ZFPM2: variants seen among roughly 807,000 people sequenced by gnomAD.
ZFPM2 encodes zinc finger protein ZFPM2.
In ZFPM2, 20 loss-of-function variants were observed where a neutral mutation model predicts 98.6. That is an observed-to-expected ratio of 0.20 (90% CI 0.14 to 0.29). The LOEUF (loss-of-function observed/expected upper bound fraction) is 0.29, where lower values mean the gene tolerates loss of function less well. ZFPM2 is among the 10% of genes least tolerant of loss of function. The pLI is 1.00. For missense variants in ZFPM2, 1,310 were observed against 1,388.6 expected, an observed-to-expected ratio of 0.94 and a Z score of 0.90; for synonymous variants, 518 against 502.7, an observed-to-expected ratio of 1.03 and a Z score of -0.41.
At position 105,547,568 on chromosome 8, in the gene ZFPM2, A is replaced by AAT. The variant is rs1554616003; in HGVS notation, c.302-13794_302-13793insTA. On this transcript the variant is annotated intron_variant, in intron 3 of 7. Transcript: ENST00000407775. ...AAAAAAAAAAAAAAAAAAAAAAAAAAAGAAATCAGAGTGTGTTTAAAGAAA... is the reference window on the plus strand; with the variant it reads ...AAAAAAAAAAAAAAAAAAAAAAAAAAATAGAAATCAGAGTGTGTTTAAAGAAA... 2.1e-4 allele frequency among the ~76,000 whole-genome samples: 30 copies of AAT among 144,082 alleles called. 1 individual carries two copies. Among genetic ancestry groups the AAT allele is most frequent in the African/African-American group, 7.2e-4 (28 of 38,844 alleles). The allele number at this position is 144,082 out of a possible 152,430, so 94.5% of individuals were successfully genotyped here. A position where few individuals can be genotyped will look rare whatever the true frequency, so the allele number is the denominator to read the frequency against.
At chr8:105,771,713 A>T (rs1435908590) in intron 5 of ZFPM2, among the ~76,000 whole-genome samples, 2 of 152,080 alleles carry the variant, frequency 1.3e-5, no homozygotes, top group African/African-American at 4.8e-5. Flanking sequence ...CCTGCCTTCC[A>T]AGCTGCCCTT....
intron 4 of ZFPM2, among the ~76,000 whole-genome samples, chr8:105,595,604 T>C (rs1402609344): frequency 6.6e-6 from 1 of 152,168 alleles, no homozygotes; most frequent in African/African-American, 2.4e-5. Context: ...AACAAAGAAG[T>C]GTTTGGAGGA....
chr8:105,629,292 G>T (rs1456850197), intron 4 of ZFPM2, among the ~76,000 whole-genome samples: 1 of 152,200 alleles, frequency 6.6e-6, no homozygotes, highest in Non-Finnish European at 1.5e-5. Flanking sequence ...TGCGAGTCCT[G>T]TGAAGGGGTC....
intron 3 of ZFPM2, among the ~76,000 whole-genome samples, chr8:105,471,843 C>T (rs1253900887): frequency 6.6e-6 from 1 of 152,060 alleles, no homozygotes; most frequent in Non-Finnish European, 1.5e-5. Flanking sequence ...GAACTCTTAT[C>T]AGATAAGGAG....
intron 6 of ZFPM2, among the ~76,000 whole-genome samples, chr8:105,794,780 C>G (rs1813739425): frequency 6.6e-6 from 1 of 152,326 alleles, no homozygotes; most frequent in African/African-American, 2.4e-5. Flanking sequence ...CAAGCCTGGG[C>G]AATGGCTGGC....
intron 5 of ZFPM2, among the ~76,000 whole-genome samples, chr8:105,658,432 C>CA (rs1817326185): frequency 2.1e-5 from 2 of 93,454 alleles, no homozygotes; most frequent in Non-Finnish European, 4.3e-5. Flanking sequence ...ACTAAAAATA[C>CA]AAAAAATTAG....
intron 3 of ZFPM2, among the ~76,000 whole-genome samples, chr8:105,529,562 AC>A (rs1239201998): frequency 2.7e-5 from 4 of 150,220 alleles, no homozygotes; most frequent in African/African-American, 9.9e-5. Flanking sequence ...TGCTCTTCTA[AC>A]AACACAACTC....
At chr8:105,395,610 TC>T (rs1341056078) in intron 1 of ZFPM2, among the ~76,000 whole-genome samples, 4 of 152,136 alleles carry the variant, frequency 2.6e-5, no homozygotes, top group Non-Finnish European at 4.4e-5. Context: ...TGTTGATCTG[TC>T]CCCTATTTCC....
chr8:105,356,347 A>T (rs761101901), intron 1 of ZFPM2, among the ~76,000 whole-genome samples: 2 of 152,214 alleles, frequency 1.3e-5, no homozygotes, highest in Non-Finnish European at 2.9e-5. Flanking sequence ...CATGGCACCT[A>T]ACACATTGGC....
intron 5 of ZFPM2, among the ~76,000 whole-genome samples, chr8:105,698,313 G>A (rs186986544): frequency 4.6e-5 from 7 of 152,302 alleles, no homozygotes; most frequent in Admixed American, 4.6e-4. Flanking sequence ...GGCAGAGGTG[G>A]AGAGAGAAGG....
At chr8:105,758,034 T>C (rs1195442897) in intron 5 of ZFPM2, among the ~76,000 whole-genome samples, 1 of 152,168 alleles carries the variant, frequency 6.6e-6, no homozygotes, top group Non-Finnish European at 1.5e-5. Context: ...TCCTTACATT[T>C]ATACAGGCAG....
chr8:105,744,984 G>A (rs1027302993), intron 5 of ZFPM2, among the ~76,000 whole-genome samples: 45 of 152,210 alleles, frequency 3.0e-4, no homozygotes, highest in African/African-American at 9.9e-4. Flanking sequence ...GAGCAGTAAC[G>A]GTTATAGAAA....
At chr8:105,334,887 G>T (rs1329450145) in intron 1 of ZFPM2, among the ~76,000 whole-genome samples, 1 of 151,628 alleles carries the variant, frequency 6.6e-6, no homozygotes, top group Non-Finnish European at 1.5e-5. Flanking sequence ...TATCTCAAGT[G>T]TTCTCGTGGG....
rs776822472 is a variant in ZFPM2 at position 105,802,756 on chromosome 8, G to C, written c.2674G>C (p.Gly892Arg). The C allele has an allele frequency of 6.2e-7, 1 of 1,613,526 alleles. No individual in the cohort carries two copies. The highest frequency in any genetic ancestry group is 1.7e-5 in the Admixed American group (1 of 59,950). ...HQRNDLGQLD[G>R]KVFPNPESER... ...GCGTAATGACCTGGGTCAACTGGAC[G>C]GCAAAGTGTTTCCGAATCCAGAAAG... Residue 892 changes from glycine (G) to arginine (R), a missense_variant, in exon 8 of 8, where the codon GGC (glycine) becomes CGC (arginine). Coordinates refer to ENST00000407775, the MANE Select transcript of ZFPM2 (RefSeq NM_012082.4).
At chr8:105,581,148 A>G (rs1197143507) in intron 4 of ZFPM2, among the ~76,000 whole-genome samples, 2 of 152,140 alleles carry the variant, frequency 1.3e-5, no homozygotes, top group African/African-American at 4.8e-5. Flanking sequence ...AAGATGTAAT[A>G]TTCTACTAGA....
At chr8:105,448,948 G>A (rs772137749) in intron 3 of ZFPM2, among the ~76,000 whole-genome samples, 5 of 151,922 alleles carry the variant, frequency 3.3e-5, no homozygotes, top group African/African-American at 4.8e-5. Context: ...CATCCCTGGC[G>A]ATCTTAAGAA....
intron 5 of ZFPM2, among the ~76,000 whole-genome samples, 152 bp downstream of exon 5, chr8:105,634,509 A>G (rs1457053105): frequency 6.6e-6 from 1 of 152,166 alleles, no homozygotes; most frequent in Non-Finnish European, 1.5e-5. Flanking sequence ...ATTTTCAGTA[A>G]AGCCACCTGT....
intron 5 of ZFPM2, among the ~76,000 whole-genome samples, chr8:105,665,512 CT>C (rs1230649854): frequency 1.3e-5 from 2 of 152,098 alleles, no homozygotes; most frequent in African/African-American, 4.8e-5. Flanking sequence ...AGGGAGGAAT[CT>C]ATGAAATGAT....
At chr8:105,477,898 A>G (rs796750652) in intron 3 of ZFPM2, among the ~76,000 whole-genome samples, 8 of 152,206 alleles carry the variant, frequency 5.3e-5, no homozygotes, top group African/African-American at 1.9e-4. Flanking sequence ...CCATTATCCT[A>G]CTACTCTGAG....
Sources: gnomAD v4.1 joint callset for allele counts (sites outside exome capture counted in the v4.1 genomes callset) on GRCh38, gnomAD v4.1.1 for gene constraint, MANE v1.5 for transcripts, NCBI Gene and HGNC (gene_info 2026-07-23, HGNC 2026-07-21) for gene names.